Variants in EML6 observed in about 807,000 individuals in gnomAD.
EML6 encodes EMAP like 6.
In EML6, 154 loss-of-function variants were observed where a neutral mutation model predicts 240.1. The ratio of observed to expected loss-of-function variants is 0.64; its 90% CI spans 0.56 to 0.73. The LOEUF (loss-of-function observed/expected upper bound fraction) is 0.73, where lower values mean the gene tolerates loss of function less well. Among genes scored for constraint, EML6 ranks in the 30% least tolerant of loss-of-function variants. The pLI is 0.00. For synonymous variants in EML6, 1,148 were observed against 899.0 expected, an observed-to-expected ratio of 1.28 and a Z score of -4.95; for missense variants, 2,964 against 2,474.6, an observed-to-expected ratio of 1.20 and a Z score of -4.20.
chr2:54,862,337 C>CT (rs569518337), intron 12 of EML6, among the ~76,000 whole-genome samples: 54 of 51,382 alleles, frequency 1.1e-3, no homozygotes, highest in South Asian at 8.1e-4. Flanking sequence ...GACTCCATCT[C>CT]TAAAAAAAAA....
At chr2:54,909,512 T>A (rs1187242511) in intron 24 of EML6, among the ~76,000 whole-genome samples, 1 of 152,134 alleles carries the variant, frequency 6.6e-6, no homozygotes, top group Non-Finnish European at 1.5e-5. Flanking sequence ...GAGAACCTTA[T>A]TTTTAGTCAG....
intron 2 of EML6, among the ~76,000 whole-genome samples, chr2:54,806,659 G>A (rs1318399796): frequency 2.1e-5 from 3 of 144,152 alleles, no homozygotes; most frequent in Non-Finnish European, 4.6e-5. Context: ...GTCCGTTTCT[G>A]GGGGTGAGGG....
intron 26 of EML6, among the ~76,000 whole-genome samples, chr2:54,918,028 A>G (rs1027874639): frequency 1.3e-5 from 2 of 152,216 alleles, no homozygotes; most frequent in African/African-American, 2.4e-5. Flanking sequence ...ACACTACAAA[A>G]TTGAATCATA....
Position 54,873,683 on chromosome 2 carries a change from T to C in EML6, c.2344+2078T>C, listed in dbSNP as rs985599826. Among the ~76,000 whole-genome samples the C allele has an allele frequency of 6.1e-5, 9 of 146,492 alleles. 1 individual carries two copies. Among genetic ancestry groups the C allele is most frequent in the African/African-American group, 2.3e-4 (9 of 39,244 alleles). ...TTTTGCTAGCAGACAAATATATGTA[T>C]ACTTAATATAAGTAATTAATATGCT... On this transcript the variant is annotated intron_variant, in intron 16 of 41. Transcript: ENST00000356458.
chr2:54,927,615 C>G (rs1477272700), intron 26 of EML6, among the ~76,000 whole-genome samples: 2 of 152,224 alleles, frequency 1.3e-5, no homozygotes, highest in African/African-American at 2.4e-5. Flanking sequence ...CTTGTCAGGA[C>G]TGCCCTGGCA....
intron 7 of EML6, among the ~76,000 whole-genome samples, chr2:54,830,177 T>C (rs1317787197): frequency 6.6e-6 from 1 of 152,224 alleles, no homozygotes; most frequent in Non-Finnish European, 1.5e-5. Flanking sequence ...ATTCTCATGG[T>C]AGGCCTGTTA....
At chr2:54,793,655 T>A (rs1347661156) in intron 2 of EML6, among the ~76,000 whole-genome samples, 1 of 152,176 alleles carries the variant, frequency 6.6e-6, no homozygotes, top group East Asian at 1.9e-4. Flanking sequence ...CCAGTTCTTT[T>A]CAGGAAAGCA....
chr2:54,926,636 C>G (rs550567236), intron 26 of EML6, among the ~76,000 whole-genome samples: 2 of 152,346 alleles, frequency 1.3e-5, no homozygotes, highest in South Asian at 4.1e-4. Flanking sequence ...GCTGGTTTCG[C>G]AGAACCTTCT....
intron 39 of EML6, among the ~76,000 whole-genome samples, chr2:54,967,824 T>C (rs567294080): frequency 6.6e-6 from 1 of 152,242 alleles, no homozygotes; most frequent in African/African-American, 2.4e-5. Context: ...CATAAGGAGC[T>C]TGCAACCTAG....
At chr2:54,964,249 C>T in intron 37 of EML6, 91 bp downstream of exon 37, 1 of 1,354,894 alleles carries the variant, frequency 7.4e-7, no homozygotes, top group Admixed American at 2.4e-5. Flanking sequence ...GAATAAAGAA[C>T]TCAGTTGTGA....
intron 7 of EML6, among the ~76,000 whole-genome samples, chr2:54,831,104 T>G (rs1390840885): frequency 6.6e-6 from 1 of 152,102 alleles, no homozygotes; most frequent in Non-Finnish European, 1.5e-5. Flanking sequence ...AAATGTTTGG[T>G]CCTGAACCAT....
chr2:54,863,998 C>T, intron 13 of EML6, 109 bp downstream of exon 13: 1 of 610,544 alleles, frequency 1.6e-6, no homozygotes, highest in Non-Finnish European at 2.8e-6. Flanking sequence ...AGAATTGAGG[C>T]AAAAACAAGA....
In EML6 at chr2:54,869,303, G is replaced by C. The variant is rs1671133142; in HGVS notation, c.2174G>C (p.Gly725Ala). The change falls in exon 15 of 42, where the codon GGG (glycine) becomes GCG (alanine). Residue 725 changes from glycine to alanine, a missense_variant. Physicochemically the swap from Gly to Ala is moderately conservative, Grantham distance 60. Transcript: ENST00000356458. ...CAGCACTCCCAGAGGCTGTACCTGGGGCACGATGACGACATTCTCAGCCTG... is the reference window on the plus strand; with the variant it reads ...CAGCACTCCCAGAGGCTGTACCTGGCGCACGATGACGACATTCTCAGCCTG... ...RQQHSQRLYL[G>A]HDDDILSLTI... The C allele has an allele frequency of 6.4e-7, 1 of 1,551,552 alleles. No individual in the cohort carries two copies. Among genetic ancestry groups the C allele is most frequent in the African/African-American group, 1.4e-5 (1 of 73,038 alleles).
At chr2:54,769,644 A>G (rs1668327721) in intron 2 of EML6, among the ~76,000 whole-genome samples, 1 of 152,210 alleles carries the variant, frequency 6.6e-6, no homozygotes, top group Admixed American at 6.5e-5. Flanking sequence ...TTTGGAGGTG[A>G]GTAGAGGCCT....
chr2:54,832,831 G>A (rs757383996), intron 7 of EML6, among the ~76,000 whole-genome samples: 6 of 151,702 alleles, frequency 4.0e-5, no homozygotes, highest in Admixed American at 2.0e-4. Flanking sequence ...AAGTATATTC[G>A]AAAGGAACAG....
intron 2 of EML6, among the ~76,000 whole-genome samples, chr2:54,752,938 G>A (rs1459971605): frequency 1.3e-5 from 2 of 152,120 alleles, no homozygotes; most frequent in Admixed American, 6.5e-5. Context: ...ACAGGCATCC[G>A]CCACCACACC....
At chr2:54,808,365 C>T (rs759727237) in intron 2 of EML6, among the ~76,000 whole-genome samples, 3 of 152,198 alleles carry the variant, frequency 2.0e-5, no homozygotes, top group Admixed American at 6.5e-5. Flanking sequence ...ACTCCCCCTT[C>T]AATCCCCAAA....
chr2:54,953,828 G>A (rs4671998), intron 31 of EML6, among the ~76,000 whole-genome samples, 155 bp from the exon 32 acceptor site: 139,797 of 151,076 alleles, frequency 0.93, 64,790 homozygotes, highest in Middle Eastern at 0.99. Context: ...TGGAGGTTGC[G>A]GTGAGCTGAG....
At chr2:54,733,405 A>G (rs1309011975) in intron 2 of EML6, among the ~76,000 whole-genome samples, 3 of 152,218 alleles carry the variant, frequency 2.0e-5, no homozygotes, top group African/African-American at 4.8e-5. Flanking sequence ...GTTGCAAGAA[A>G]CTTTTTCAAA....
Sources: gnomAD v4.1 joint callset for allele counts (sites outside exome capture counted in the v4.1 genomes callset) on GRCh38, gnomAD v4.1.1 for gene constraint, MANE v1.5 for transcripts, NCBI Gene and HGNC (gene_info 2026-07-23, HGNC 2026-07-21) for gene names.